UCK2: variants seen among roughly 807,000 people sequenced by gnomAD.
UCK2 encodes the protein cytidine monophosphokinase 2.
Under a neutral mutation model 30.8 loss-of-function variants are expected in UCK2, and 6 were observed. That is an observed-to-expected ratio of 0.19 (90% CI 0.11 to 0.38). UCK2 has a LOEUF of 0.38. UCK2 is among the 10% of genes least tolerant of loss of function. UCK2 has a pLI of 1.00. For synonymous variants in UCK2, 125 were observed against 133.6 expected, an observed-to-expected ratio of 0.94 and a Z score of 0.45; for missense variants, 210 against 339.8, an observed-to-expected ratio of 0.62 and a Z score of 3.00.
chr1:165,853,491 C>T (rs143632480), intron 1 of UCK2, among the ~76,000 whole-genome samples: 2 of 151,932 alleles, frequency 1.3e-5, no homozygotes, highest in African/African-American at 2.4e-5. Context: ...CACCCACCCC[C>T]GCTCCAACCA....
At chr1:165,865,399 T>C (rs1232707404) in intron 1 of UCK2, among the ~76,000 whole-genome samples, 5 of 152,102 alleles carry the variant, frequency 3.3e-5, no homozygotes, top group Admixed American at 3.3e-4. Context: ...TGAAAGGCCC[T>C]CCACCCCCTG....
At chr1:165,881,358 T>TG (rs1655497221) in intron 1 of UCK2, among the ~76,000 whole-genome samples, 3 of 151,538 alleles carry the variant, frequency 2.0e-5, no homozygotes, top group South Asian at 2.1e-4. Context: ...TCAGGGTTTT[T>TG]TTTTGTTTGT....
chr1:165,887,328 C>G (rs1415092640), intron 1 of UCK2, among the ~76,000 whole-genome samples: 1 of 152,134 alleles, frequency 6.6e-6, no homozygotes, highest in Non-Finnish European at 1.5e-5. Context: ...GGGATGAGCG[C>G]TGATTTTCTA....
intron 1 of UCK2, among the ~76,000 whole-genome samples, chr1:165,885,902 G>T (rs1353148060): frequency 6.6e-6 from 1 of 152,106 alleles, no homozygotes; most frequent in African/African-American, 2.4e-5. Context: ...TTTAATTGTG[G>T]TAAAATACAC....
intron 4 of UCK2, among the ~76,000 whole-genome samples, chr1:165,899,879 G>A (rs1048726645): frequency 2.6e-5 from 4 of 152,156 alleles, no homozygotes; most frequent in Admixed American, 2.0e-4. Flanking sequence ...TGAGGTGATA[G>A]TTCTATCGGA....
intron 3 of UCK2, chr1:165,895,445 A>C: frequency 1.0e-6 from 1 of 981,686 alleles, no homozygotes; most frequent in Non-Finnish European, 1.2e-6. Context: ...AAGAAAAGTC[A>C]TGTTTACAAT....
chr1:165,828,902 C>G (rs756593887), intron 1 of UCK2, among the ~76,000 whole-genome samples: 6 of 152,174 alleles, frequency 3.9e-5, no homozygotes, highest in Non-Finnish European at 7.3e-5. Flanking sequence ...TCATTTGGAG[C>G]ACGGGTTCCT....
chr1:165,888,321 C>T (rs1348903471), intron 1 of UCK2, among the ~76,000 whole-genome samples: 1 of 151,648 alleles, frequency 6.6e-6, no homozygotes, highest in Non-Finnish European at 1.5e-5. Flanking sequence ...TTGATGCAGT[C>T]TCACTCTGTT....
intron 4 of UCK2, chr1:165,900,732 G>A (rs1647429874): frequency 6.6e-6 from 1 of 152,656 alleles, no homozygotes; most frequent in Admixed American, 6.5e-5. Flanking sequence ...GTGTGCATGT[G>A]TGTTTGTGTG....
intron 6 of UCK2, 73 bp from the exon 7 acceptor site, chr1:165,907,611 C>T (rs1214269567): frequency 1.3e-6 from 2 of 1,547,588 alleles, no homozygotes; most frequent in African/African-American, 1.4e-5. Context: ...TGCCCTTCCC[C>T]CAGACAGACT....
At chr1:165,867,416 A>G (rs1311238844) in intron 1 of UCK2, among the ~76,000 whole-genome samples, 1 of 152,208 alleles carries the variant, frequency 6.6e-6, no homozygotes, top group Admixed American at 6.5e-5. Flanking sequence ...AACTTCTTTC[A>G]AAGTGGGAGT....
rs550260139 is a variant in UCK2 at position 165,842,559 on chromosome 1, G to A, written c.99+14627G>A. ...TTCTCCCACATCCATCCTGTCTCCT[G>A]GTGCAGTCAATCTTGCTTTCTGAAT... On this transcript the variant is annotated intron_variant, in intron 1 of 6. Coordinates refer to ENST00000367879, the MANE Select transcript of UCK2 (RefSeq NM_012474.5). Among the ~76,000 whole-genome samples, 5 of 152,136 alleles carry A rather than the reference G, an allele frequency of 3.3e-5. No individual in the cohort carries two copies. The East Asian group carries it at 5.8e-4, about 18-fold the overall frequency.
chr1:165,856,340 T>G (rs1215047916), intron 1 of UCK2, among the ~76,000 whole-genome samples: 1 of 152,024 alleles, frequency 6.6e-6, no homozygotes, highest in Non-Finnish European at 1.5e-5. Context: ...TCTGATACAT[T>G]AATTTATTCA....
intron 1 of UCK2, among the ~76,000 whole-genome samples, chr1:165,877,071 A>G (rs995456533): frequency 2.0e-5 from 3 of 152,194 alleles, no homozygotes; most frequent in Admixed American, 6.5e-5. Flanking sequence ...TTTGGGGGGC[A>G]ACAATGTAAC....
At chr1:165,895,071 C>A (rs10800165) in intron 3 of UCK2, among the ~76,000 whole-genome samples, 90,979 of 152,056 alleles carry the variant, frequency 0.6, 27,386 homozygotes, top group Admixed American at 0.69. Context: ...CCATCTGTGA[C>A]AGCCCGTCGC....
At chr1:165,885,309 T>C (rs1163745166) in intron 1 of UCK2, 1 of 398,376 alleles carries the variant, frequency 2.5e-6, no homozygotes, top group Non-Finnish European at 4.4e-6. Flanking sequence ...AGTTTCCTCA[T>C]TAGGAAAAAA....
intron 1 of UCK2, among the ~76,000 whole-genome samples, chr1:165,830,482 G>T (rs61802906): frequency 0.31 from 46,939 of 151,250 alleles, 7,425 homozygotes; most frequent in South Asian, 0.47. Context: ...CCGCCACCAC[G>T]CCTGGCCAAT....
At chr1:165,889,984 C>T (rs1351872775) in intron 1 of UCK2, among the ~76,000 whole-genome samples, 1 of 152,068 alleles carries the variant, frequency 6.6e-6, no homozygotes, top group Non-Finnish European at 1.5e-5. Context: ...AGGATAGTGT[C>T]CTCTAGCTCC....
intron 1 of UCK2, among the ~76,000 whole-genome samples, chr1:165,878,905 A>C (rs1048722681): frequency 7.2e-5 from 11 of 152,252 alleles, no homozygotes; most frequent in African/African-American, 2.7e-4. Flanking sequence ...TGTCTTCCAA[A>C]GTGGCTATAC....
Sources: gnomAD v4.1 joint callset for allele counts (sites outside exome capture counted in the v4.1 genomes callset) on GRCh38, gnomAD v4.1.1 for gene constraint, MANE v1.5 for transcripts, NCBI Gene and HGNC (gene_info 2026-07-23, HGNC 2026-07-21) for gene names.